KLHL1: variants seen among roughly 807,000 people sequenced by gnomAD.
The protein encoded by KLHL1 is kelch like family member 1.
A neutral mutation model predicts 77.7 loss-of-function variants in KLHL1; 47 were observed. That is an observed-to-expected ratio of 0.60 (90% CI 0.48 to 0.77). The LOEUF (loss-of-function observed/expected upper bound fraction) is 0.77. Among genes scored for constraint, KLHL1 ranks in the 30% least tolerant of loss-of-function variants. The pLI, the probability that KLHL1 is intolerant of heterozygous loss-of-function variation, is 0.00. For missense variants in KLHL1, 925 were observed against 910.8 expected, an observed-to-expected ratio of 1.02 and a Z score of -0.20; for synonymous variants, 360 against 325.2, an observed-to-expected ratio of 1.11 and a Z score of -1.15.
Position 70,074,509 on chromosome 13 carries a change from A to T in KLHL1, c.497+32694T>A, listed in dbSNP as rs536934011. On this transcript the variant is annotated intron_variant, in intron 1 of 10. Coordinates refer to ENST00000377844, the MANE Select transcript of KLHL1 (RefSeq NM_020866.3). ...TGATTGATTATCGTCCACCCAAGAG[A>T]TTCCAAGAGGGCATTCCAAAGGGGA... Among the ~76,000 whole-genome samples, 90 of 152,114 alleles carry T rather than the reference A, an allele frequency of 5.9e-4. 1 individual carries two copies. The highest frequency in any genetic ancestry group is 2.1e-3 in the African/African-American group (86 of 41,430).
intron 1 of KLHL1, among the ~76,000 whole-genome samples, chr13:70,028,383 T>G (rs1886009933): frequency 6.6e-6 from 1 of 152,128 alleles, no homozygotes; most frequent in Non-Finnish European, 1.5e-5. Flanking sequence ...AAGTTAATTG[T>G]TGGTGGGATT....
chr13:69,971,905 T>G (rs1884392490), intron 2 of KLHL1, among the ~76,000 whole-genome samples: 1 of 152,076 alleles, frequency 6.6e-6, no homozygotes, highest in African/African-American at 2.4e-5. Context: ...AGATGCTTCA[T>G]GGACTGCTGA....
intron 4 of KLHL1, among the ~76,000 whole-genome samples, chr13:69,895,851 T>C (rs1265109147): frequency 2.0e-5 from 3 of 152,088 alleles, no homozygotes; most frequent in East Asian, 1.9e-4. Flanking sequence ...AGACTACATG[T>C]GTGCACCACC....
chr13:70,080,628 T>C (rs1367482208), intron 1 of KLHL1, among the ~76,000 whole-genome samples: 1 of 152,138 alleles, frequency 6.6e-6, no homozygotes, highest in Non-Finnish European at 1.5e-5. Flanking sequence ...GAGGGAGGCT[T>C]GTTCTGTCAC....
chr13:69,815,768 T>C (rs1375376233), intron 6 of KLHL1, among the ~76,000 whole-genome samples: 1 of 152,080 alleles, frequency 6.6e-6, no homozygotes, highest in Non-Finnish European at 1.5e-5. Flanking sequence ...TAACTTTTAC[T>C]TCTAGGTGGC....
At position 69,996,075 on chromosome 13, in the gene KLHL1, C is replaced by T. The variant is rs145024395; in HGVS notation, c.498-20273G>A. On this transcript the variant is annotated intron_variant, in intron 1 of 10. Transcript: ENST00000377844. Reference sequence around the variant, plus strand: ...ATCCCAGCACTTTGGGAGGTCAATGCGGGAGGATCATGAGGTCAGGAGACT... The same window carrying T: ...ATCCCAGCACTTTGGGAGGTCAATGTGGGAGGATCATGAGGTCAGGAGACT... Among the ~76,000 whole-genome samples the T allele has an allele frequency of 2.2e-3, 332 of 152,056 alleles. 1 individual carries two copies. Among genetic ancestry groups the T allele is most frequent in the African/African-American group, 7.4e-3 (307 of 41,490 alleles).
intron 1 of KLHL1, among the ~76,000 whole-genome samples, chr13:70,004,674 G>A (rs1566490909): frequency 6.6e-6 from 1 of 151,714 alleles, no homozygotes; most frequent in Non-Finnish European, 1.5e-5. Flanking sequence ...AATTCTTAAA[G>A]GCAAACCATT....
intron 8 of KLHL1, among the ~76,000 whole-genome samples, chr13:69,731,874 G>C (rs150991125): frequency 6.6e-6 from 1 of 151,968 alleles, no homozygotes; most frequent in Non-Finnish European, 1.5e-5. Context: ...ATCACAAGTA[G>C]TAAATAGAAA....
At chr13:70,095,379 A>G (rs148564977) in intron 1 of KLHL1, among the ~76,000 whole-genome samples, 42 of 152,324 alleles carry the variant, frequency 2.8e-4, no homozygotes, top group African/African-American at 9.9e-4. Context: ...CTATTGGAAA[A>G]TAAAATTACA....
At chr13:69,748,875 A>G (rs909358430) in intron 7 of KLHL1, among the ~76,000 whole-genome samples, 1 of 152,014 alleles carries the variant, frequency 6.6e-6, no homozygotes, top group African/African-American at 2.4e-5. Flanking sequence ...TACTCTCAAA[A>G]CTTAAATTCC....
At chr13:69,706,510 G>T (rs1305226961) in intron 10 of KLHL1, among the ~76,000 whole-genome samples, 1 of 151,838 alleles carries the variant, frequency 6.6e-6, no homozygotes, top group African/African-American at 2.4e-5. Flanking sequence ...CTTTAATCAG[G>T]TGTTCAAGTT....
At chr13:69,804,344 A>C (rs907144106) in intron 6 of KLHL1, among the ~76,000 whole-genome samples, 8 of 152,118 alleles carry the variant, frequency 5.3e-5, no homozygotes, top group African/African-American at 1.7e-4. Context: ...TGTACACTCT[A>C]GTTTGGCAAT....
chr13:70,063,143 T>C (rs1039954009), intron 1 of KLHL1, among the ~76,000 whole-genome samples: 6 of 152,132 alleles, frequency 3.9e-5, no homozygotes, highest in Non-Finnish European at 7.4e-5. Context: ...AACCTTTTAC[T>C]TAAAACTCTA....
chr13:70,039,612 A>C (rs1191856563), intron 1 of KLHL1, among the ~76,000 whole-genome samples: 1 of 144,770 alleles, frequency 6.9e-6, no homozygotes, highest in Non-Finnish European at 1.5e-5. Context: ...TTTTGTTAAT[A>C]CTGCCTGCCT....
intron 4 of KLHL1, among the ~76,000 whole-genome samples, chr13:69,917,992 G>T (rs773643696): frequency 2.0e-4 from 30 of 152,018 alleles, no homozygotes; most frequent in Non-Finnish European, 4.3e-4. Context: ...TCCTAAAATT[G>T]ATATTGATAT....
chr13:69,707,592 C>T, intron 10 of KLHL1, 33 bp downstream of exon 10: 1 of 1,579,786 alleles, frequency 6.3e-7, no homozygotes, highest in Non-Finnish European at 8.6e-7. Context: ...AAATTCTTAT[C>T]CTTGAAGTGA....
intron 4 of KLHL1, among the ~76,000 whole-genome samples, chr13:69,937,343 C>A (rs1055325126): frequency 5.3e-5 from 8 of 152,176 alleles, no homozygotes; most frequent in Admixed American, 3.3e-4. Context: ...CAAGTCCATT[C>A]TATCAAATAT....
At chr13:69,875,499 A>G (rs1880730694) in intron 5 of KLHL1, among the ~76,000 whole-genome samples, 2 of 152,186 alleles carry the variant, frequency 1.3e-5, no homozygotes, top group Admixed American at 1.3e-4. Flanking sequence ...GAAACACTTA[A>G]TATATTGTAA....
intron 5 of KLHL1, among the ~76,000 whole-genome samples, chr13:69,865,226 T>C (rs1462220557): frequency 6.6e-6 from 1 of 152,156 alleles, no homozygotes; most frequent in Non-Finnish European, 1.5e-5. Context: ...CCTGAGCCAG[T>C]GCACTCGGCC....
Sources: gnomAD v4.1 joint callset for allele counts (sites outside exome capture counted in the v4.1 genomes callset) on GRCh38, gnomAD v4.1.1 for gene constraint, MANE v1.5 for transcripts, NCBI Gene and HGNC (gene_info 2026-07-23, HGNC 2026-07-21) for gene names.